The following COL19A1 variants were observed in gnomAD, a reference collection of about 807,000 sequenced individuals.
COL19A1 encodes collagen type XIX alpha 1 chain.
In COL19A1, 159 loss-of-function variants were observed where a neutral mutation model predicts 190.2. That is an observed-to-expected ratio of 0.84 (90% confidence interval 0.73 to 0.95). COL19A1 has a LOEUF of 0.95. Among genes scored for constraint, COL19A1 ranks in the 40% least tolerant of loss-of-function variants. The probability of loss-of-function intolerance (pLI) is 0.00; values close to 1 mark genes in which losing one functional copy is unlikely to be tolerated. For synonymous variants in COL19A1, 509 were observed against 458.9 expected, an observed-to-expected ratio of 1.11 and a Z score of -1.39; for missense variants, 1,418 against 1,431.9, an observed-to-expected ratio of 0.99 and a Z score of 0.16.
At chr6:69,996,863 A>G (rs1395302336) in intron 11 of COL19A1, among the ~76,000 whole-genome samples, 1 of 151,604 alleles carries the variant, frequency 6.6e-6, no homozygotes, top group Non-Finnish European at 1.5e-5. Context: ...ATCTAGTTTT[A>G]TTCCTATTCT....
At chr6:69,993,860 G>T (rs1776756221) in intron 11 of COL19A1, among the ~76,000 whole-genome samples, 1 of 151,470 alleles carries the variant, frequency 6.6e-6, no homozygotes, top group African/African-American at 2.4e-5. Context: ...TATTAGTCTA[G>T]CTAGTGGTCT....
At position 70,149,749 on chromosome 6, in the gene COL19A1, T is replaced by A. The variant is rs1451130560; in HGVS notation, c.1929+10T>A. 1 of 1,613,564 alleles carries A rather than the reference T, an allele frequency of 6.2e-7. No individual in the cohort carries two copies. Among genetic ancestry groups the A allele is most frequent in the Non-Finnish European group, 8.5e-7 (1 of 1,179,758 alleles). ...AGAGCCAGGTATTCAGGTAAGCTAT[T>A]TAACTAATTTTTTAGCACAGCAAAG... On this transcript the variant is annotated intron_variant, in intron 28 of 50. Coordinates refer to ENST00000620364, the MANE Select transcript of COL19A1 (RefSeq NM_001858.6).
At chr6:69,894,868 A>G (rs1476020565) in intron 2 of COL19A1, among the ~76,000 whole-genome samples, 4 of 152,242 alleles carry the variant, frequency 2.6e-5, no homozygotes. Flanking sequence ...ATTAAGCTTT[A>G]CAGAAAAAAT....
chr6:70,122,212 C>T (rs1784925084), intron 17 of COL19A1, among the ~76,000 whole-genome samples: 1 of 152,090 alleles, frequency 6.6e-6, no homozygotes. Flanking sequence ...GTTCCACCAT[C>T]AATAATATCA....
At chr6:69,966,340 G>A (rs1202260612) in intron 11 of COL19A1, among the ~76,000 whole-genome samples, 1 of 152,206 alleles carries the variant, frequency 6.6e-6, no homozygotes, top group African/African-American at 2.4e-5. Flanking sequence ...AGGGGGAAAT[G>A]TGGGGAAAAG....
intron 19 of COL19A1, 139 bp downstream of exon 19, chr6:70,137,886 C>G: frequency 1.4e-6 from 1 of 720,704 alleles, no homozygotes; most frequent in Non-Finnish European, 2.3e-6. Flanking sequence ...CAAGCAAGTA[C>G]TAGCTACGCT....
At chr6:70,056,583 G>T (rs564151688) in intron 14 of COL19A1, among the ~76,000 whole-genome samples, 11 of 152,226 alleles carry the variant, frequency 7.2e-5, no homozygotes, top group African/African-American at 1.9e-4. Context: ...ATGTAGTGAT[G>T]AAGCACTTGA....
chr6:69,899,370 C>T (rs919300840), intron 3 of COL19A1, among the ~76,000 whole-genome samples: 3 of 151,954 alleles, frequency 2.0e-5, no homozygotes, highest in Non-Finnish European at 4.4e-5. Context: ...CCAGGCTGGT[C>T]TCGAGCTCCT....
At chr6:70,052,361 T>C (rs1053551469) in intron 14 of COL19A1, among the ~76,000 whole-genome samples, 2 of 152,104 alleles carry the variant, frequency 1.3e-5, no homozygotes, top group African/African-American at 4.8e-5. Context: ...ACAAGATAAA[T>C]AGAAATGCAA....
In COL19A1 at chr6:70,109,913, T is replaced by G. The variant is rs545689758; in HGVS notation, c.1278+7691T>G. 2.0e-5 allele frequency among the ~76,000 whole-genome samples: 3 copies of G among 152,254 alleles called. No homozygotes were observed. The South Asian group carries it at 6.2e-4, about 32-fold the overall frequency. ...TGAGTCAGTTGAACAGTTGGGGCAA[T>G]GAAAATACATACCCTCAAAACGCCA... On this transcript the variant is annotated intron_variant, in intron 16 of 50. Coordinates refer to ENST00000620364, the MANE Select transcript of COL19A1 (RefSeq NM_001858.6).
chr6:70,044,268 A>T (rs1172502996), intron 14 of COL19A1, among the ~76,000 whole-genome samples: 1 of 152,178 alleles, frequency 6.6e-6, no homozygotes, highest in Non-Finnish European at 1.5e-5. Context: ...CAGATCTTTA[A>T]GTCTTTCTTC....
At chr6:70,163,881 T>G (rs1001688153) in intron 36 of COL19A1, among the ~76,000 whole-genome samples, 5 of 152,212 alleles carry the variant, frequency 3.3e-5, no homozygotes, top group African/African-American at 1.2e-4. Context: ...TGACAGAGTC[T>G]GCCTTCTTGT....
At chr6:70,104,837 G>T (rs533029764) in intron 16 of COL19A1, among the ~76,000 whole-genome samples, 4 of 152,280 alleles carry the variant, frequency 2.6e-5, no homozygotes, top group East Asian at 3.9e-4. Context: ...AGGCCTTTAT[G>T]ACAAGCTTGC....
chr6:70,145,127 G>A lies in COL19A1; in HGVS notation c.1770+120G>A, dbSNP rs146168825. ...TTAGGTCTGCAAAAAAAGGAAAAAA[G>A]AACTTAAAACAGAACTACCATTTGA... On this transcript the variant is annotated intron_variant, in intron 25 of 50. Coordinates refer to ENST00000620364, the MANE Select transcript of COL19A1 (RefSeq NM_001858.6). 224 of 761,346 alleles carry A rather than the reference G, an allele frequency of 2.9e-4. No homozygotes were observed. The African/African-American group carries it at 3.5e-3, about 12-fold the overall frequency. The allele number at this position is 761,346 out of a possible 1,614,324, so 47.2% of individuals were successfully genotyped here. A position where few individuals can be genotyped will look rare whatever the true frequency, so the allele number is the denominator to read the frequency against.
chr6:70,041,945 G>A (rs888031814), intron 14 of COL19A1, among the ~76,000 whole-genome samples: 7 of 152,072 alleles, frequency 4.6e-5, no homozygotes, highest in African/African-American at 1.7e-4. Context: ...ATGGATGCCT[G>A]TAATCCCAGC....
At chr6:69,879,443 G>A (rs940322345) in intron 1 of COL19A1, 93 bp from the exon 2 acceptor site, 21 of 677,946 alleles carry the variant, frequency 3.1e-5, no homozygotes, top group South Asian at 7.1e-5. Context: ...ATGATGTAAC[G>A]TTGATTGGTT....
intron 9 of COL19A1, among the ~76,000 whole-genome samples, chr6:69,953,487 A>G (rs1373154136): frequency 1.3e-5 from 2 of 152,078 alleles, no homozygotes; most frequent in Non-Finnish European, 2.9e-5. Context: ...TAATTGTCTT[A>G]TCTATAGACA....
At position 70,180,304 on chromosome 6, in the gene COL19A1, C is replaced by A. The variant is rs1352590378; in HGVS notation, c.2668-8C>A. 1 of 1,613,992 alleles carries A rather than the reference C, an allele frequency of 6.2e-7. No homozygotes were observed. Among genetic ancestry groups the A allele is most frequent in the Non-Finnish European group, 8.5e-7 (1 of 1,179,990 alleles). On this transcript the variant is annotated splice_region_variant and splice_polypyrimidine_tract_variant and intron_variant, in intron 42 of 50. Coordinates refer to ENST00000620364, the MANE Select transcript of COL19A1 (RefSeq NM_001858.6). ...CTCCTAACATTTCTCTTCAATTTGC[C>A]TTGCCAGGGAAAACCTGGTGCCCCA...
intron 11 of COL19A1, among the ~76,000 whole-genome samples, chr6:69,991,783 G>A (rs1160014933): frequency 1.3e-5 from 2 of 151,746 alleles, no homozygotes; most frequent in Non-Finnish European, 2.9e-5. Context: ...TAGATTCCGG[G>A]TCTTAGACTT....
Sources: gnomAD v4.1 joint callset for allele counts (sites outside exome capture counted in the v4.1 genomes callset) on GRCh38, gnomAD v4.1.1 for gene constraint, MANE v1.5 for transcripts, NCBI Gene and HGNC (gene_info 2026-07-23, HGNC 2026-07-21) for gene names.